The following VDAC1 variants were observed in gnomAD, a reference collection of about 807,000 sequenced individuals.
VDAC1 encodes the protein voltage dependent anion channel 1, also known as non-selective voltage-gated ion channel VDAC1.
VDAC1 carries 10 observed loss-of-function variants against 34.7 expected under a neutral mutation model. The observed-to-expected ratio is 0.29, with a 90% confidence interval of 0.18 to 0.49. VDAC1 has a LOEUF of 0.49. Ranked by LOEUF, VDAC1 falls within the 20% of genes least tolerant of loss-of-function variation. The pLI is 0.99. For synonymous variants in VDAC1, 130 were observed against 136.0 expected (o/e 0.96, Z 0.30); for missense variants, 230 against 347.9 (o/e 0.66, Z 2.69).
the VDAC1 span, among the ~76,000 whole-genome samples, chr5:134,101,717 C>T: frequency 6.6e-6 from 1 of 152,212 alleles, no homozygotes; most frequent in Non-Finnish European, 1.5e-5. Flanking sequence ...AGGGTCGGGA[C>T]TCCTGACTGC....
intron 1 of VDAC1, among the ~76,000 whole-genome samples, chr5:133,996,626 A>T (rs995711166): frequency 1.3e-5 from 2 of 148,540 alleles, no homozygotes; most frequent in Non-Finnish European, 3.0e-5. Flanking sequence ...AGAGCCTGTC[A>T]TGCATAAATT....
chr5:133,988,530 C>T (rs1752984359), intron 5 of VDAC1, among the ~76,000 whole-genome samples: 1 of 151,814 alleles, frequency 6.6e-6, no homozygotes, highest in South Asian at 2.1e-4. Context: ...TTTGGGAGGC[C>T]GAGGCAGGTG....
the VDAC1 span, among the ~76,000 whole-genome samples, chr5:134,033,459 G>T: frequency 0.043 from 6,523 of 151,738 alleles, 175 homozygotes; most frequent in East Asian, 0.11. Context: ...CCCGGCCACG[G>T]AGAAGCTAAA....
chr5:134,008,324 G>C (rs1159933034), upstream of VDAC1, among the ~76,000 whole-genome samples: 4 of 152,210 alleles, frequency 2.6e-5, no homozygotes, highest in Admixed American at 6.5e-5. Context: ...AGCTGCCTGA[G>C]CCAACGGCCT....
chr5:134,039,257 T>C, the VDAC1 span, among the ~76,000 whole-genome samples: 1 of 152,196 alleles, frequency 6.6e-6, no homozygotes, highest in African/African-American at 2.4e-5. Context: ...TAATAAATAC[T>C]GATGCTAGGC....
chr5:134,008,894 A>G (rs564032841), upstream of VDAC1, among the ~76,000 whole-genome samples: 49 of 152,334 alleles, frequency 3.2e-4, 1 homozygote, highest in African/African-American at 1.2e-3. Context: ...GAGTCTGGGT[A>G]GGAAGAATCA....
chr5:134,047,684 C>T, the VDAC1 span, among the ~76,000 whole-genome samples: 1 of 152,302 alleles, frequency 6.6e-6, no homozygotes, highest in Non-Finnish European at 1.5e-5. Flanking sequence ...GTTTCTTGTT[C>T]TGTTTTTTCT....
chr5:134,076,973 T>C, the VDAC1 span, among the ~76,000 whole-genome samples: 3 of 152,090 alleles, frequency 2.0e-5, no homozygotes, highest in African/African-American at 7.2e-5. Flanking sequence ...AAATAAGCAA[T>C]TTAAGTATTT....
the VDAC1 span, among the ~76,000 whole-genome samples, chr5:134,067,746 G>A: frequency 6.6e-6 from 1 of 152,008 alleles, no homozygotes; most frequent in Non-Finnish European, 1.5e-5. Flanking sequence ...AATTACTCTT[G>A]CAGCTTATAC....
the VDAC1 span, among the ~76,000 whole-genome samples, chr5:134,070,256 C>T: frequency 6.6e-6 from 1 of 152,128 alleles, no homozygotes. Context: ...ATTCTCCTGC[C>T]TCAGCCTCCC....
chr5:134,033,790 A>G, the VDAC1 span, among the ~76,000 whole-genome samples: 2 of 151,912 alleles, frequency 1.3e-5, no homozygotes, highest in Admixed American at 6.6e-5. Flanking sequence ...CAGCAGATCG[A>G]GACCATCCTG....
At chr5:134,032,323 C>A in the VDAC1 span, among the ~76,000 whole-genome samples, 110 of 152,064 alleles carry the variant, frequency 7.2e-4, no homozygotes, top group African/African-American at 2.6e-3. Flanking sequence ...CCAAGAACAG[C>A]AAGACAATGA....
the VDAC1 span, among the ~76,000 whole-genome samples, chr5:134,060,033 C>T: frequency 6.6e-6 from 1 of 151,766 alleles, no homozygotes; most frequent in South Asian, 2.1e-4. Context: ...CAGGGCTGTT[C>T]CACAGAGATC....
the VDAC1 span, among the ~76,000 whole-genome samples, chr5:134,062,188 T>C: frequency 1.3e-5 from 2 of 151,582 alleles, no homozygotes; most frequent in Admixed American, 6.6e-5. Context: ...GGTTTCACTA[T>C]GTTGGCTAGG....
the VDAC1 span, among the ~76,000 whole-genome samples, chr5:134,058,415 G>T: frequency 6.6e-6 from 1 of 151,674 alleles, no homozygotes; most frequent in African/African-American, 2.4e-5. Flanking sequence ...CTGAGTTCAC[G>T]CCATTCTTCT....
chr5:134,063,826 TTTAC>T, the VDAC1 span, among the ~76,000 whole-genome samples: 4 of 152,096 alleles, frequency 2.6e-5, no homozygotes, highest in Non-Finnish European at 5.9e-5. Context: ...TTTTTATTTA[TTTAC>T]TTACTTATCT....
the VDAC1 span, among the ~76,000 whole-genome samples, chr5:134,057,211 G>A: frequency 6.6e-6 from 1 of 152,144 alleles, no homozygotes; most frequent in South Asian, 2.1e-4. Flanking sequence ...TGGGCACGGT[G>A]GCTCATGCCT....
intron 5 of VDAC1, among the ~76,000 whole-genome samples, chr5:133,984,149 G>A (rs1052548808): frequency 3.3e-5 from 5 of 152,002 alleles, no homozygotes; most frequent in Non-Finnish European, 5.9e-5. Flanking sequence ...CCTACCTCCT[G>A]AGCTCAGGTG....
At chr5:134,108,876 C>T in the VDAC1 span, among the ~76,000 whole-genome samples, 142,380 of 152,222 alleles carry the variant, frequency 0.94, 66,684 homozygotes, top group African/African-American at 0.98. Flanking sequence ...CTGCCCCACC[C>T]GGAAAAGGCC....
Sources: allele counts gnomAD v4.1 joint callset (sites outside exome capture counted in the v4.1 genomes callset), GRCh38; gene constraint gnomAD v4.1.1; transcripts MANE v1.5; gene names NCBI Gene and HGNC (gene_info 2026-07-23, HGNC 2026-07-21).